The following CASK variants were observed in gnomAD, a reference collection of about 807,000 sequenced individuals.
CASK encodes peripheral plasma membrane protein CASK.
Under a neutral mutation model 82.9 loss-of-function variants are expected in CASK, and 4 were observed. The ratio of observed to expected loss-of-function variants is 0.05; its 90% confidence interval spans 0.02 to 0.11. The LOEUF (loss-of-function observed/expected upper bound fraction) is 0.11, where lower values mean the gene tolerates loss of function less well. CASK is among the 10% of genes least tolerant of loss of function. The pLI is 1.00. For synonymous variants in CASK, 259 were observed against 253.5 expected, an observed-to-expected ratio of 1.02 and a Z score of -0.20; for missense variants, 358 against 720.9, an observed-to-expected ratio of 0.50 and a Z score of 5.76.
chrX:41,753,513 G>A (rs1421943932), intron 3 of CASK, among the ~76,000 whole-genome samples: 1 of 112,203 alleles, frequency 8.9e-6, no homozygotes, highest in Non-Finnish European at 1.9e-5. Context: ...AATGAAGGTA[G>A]AAGGAAATAA....
chrX:41,552,524 T>C (rs890751311), intron 21 of CASK: 2 of 111,604 alleles, frequency 1.8e-5, no homozygotes, highest in African/African-American at 6.5e-5. Flanking sequence ...TATGGTAACA[T>C]TAAAGAAGAC....
intron 8 of CASK, among the ~76,000 whole-genome samples, chrX:41,659,230 CTT>C (rs750380862): frequency 4.0e-5 from 4 of 100,087 alleles, no homozygotes; most frequent in Admixed American, 1.1e-4. Flanking sequence ...GGTGCAAATT[CTT>C]TTTTTTTTTT....
intron 16 of CASK, among the ~76,000 whole-genome samples, chrX:41,566,801 C>G (rs952129037): frequency 5.4e-5 from 6 of 111,476 alleles, no homozygotes; most frequent in Non-Finnish European, 9.4e-5. Flanking sequence ...GCAAAAAGAA[C>G]AAAGCTGGAG....
At chrX:41,564,521 G>A (rs1306436377) in intron 16 of CASK, among the ~76,000 whole-genome samples, 1 of 111,382 alleles carries the variant, frequency 9.0e-6, no homozygotes, top group Non-Finnish European at 1.9e-5. Flanking sequence ...CACCATGCCC[G>A]GCTAACTTTA....
At chrX:41,824,354 G>C (rs2070612505) in intron 2 of CASK, among the ~76,000 whole-genome samples, 1 of 111,908 alleles carries the variant, frequency 8.9e-6, no homozygotes, top group African/African-American at 3.2e-5. Flanking sequence ...ACACTTCATT[G>C]CCTGCTCTGC....
chrX:41,847,342 T>A (rs1044881384), intron 2 of CASK, among the ~76,000 whole-genome samples: 4 of 111,925 alleles, frequency 3.6e-5, no homozygotes, highest in African/African-American at 1.3e-4. Context: ...ATAATGAACC[T>A]ATCTTCATGT....
At chrX:41,636,543 T>C (rs751086363) in intron 9 of CASK, 35 bp downstream of exon 9, 1 of 828,259 alleles carries the variant, frequency 1.2e-6, no homozygotes, top group Non-Finnish European at 1.8e-6. Flanking sequence ...ATTAACTATA[T>C]CTGTTTGGCT....
intron 21 of CASK, among the ~76,000 whole-genome samples, chrX:41,547,845 G>A (rs1038779216): frequency 1.8e-5 from 2 of 110,954 alleles, no homozygotes; most frequent in Non-Finnish European, 3.8e-5. Flanking sequence ...GGATGGTCTC[G>A]ATCTCCTGAC....
chrX:41,761,402 T>C (rs890672770), intron 3 of CASK, among the ~76,000 whole-genome samples: 2 of 111,518 alleles, frequency 1.8e-5, no homozygotes, highest in African/African-American at 6.5e-5. Context: ...ATCTGGAAAA[T>C]GATCTCACCT....
At chrX:41,776,265 T>C (rs374796360) in intron 3 of CASK, among the ~76,000 whole-genome samples, 3 of 112,180 alleles carry the variant, frequency 2.7e-5, no homozygotes, top group Non-Finnish European at 3.8e-5. Context: ...CACTAGTCGA[T>C]AGGAATTTTT....
At chrX:41,792,964 GTGA>G (rs2069765706) in intron 2 of CASK, among the ~76,000 whole-genome samples, 1 of 111,426 alleles carries the variant, frequency 9.0e-6, no homozygotes, top group Admixed American at 9.6e-5. Flanking sequence ...TCTCCTGATT[GTGA>G]GTTCTGTAAT....
rs1192377020 is a variant in CASK, at chrX:41,551,879, C to CAAA, written c.2039+1837_2039+1839dup. On this transcript the variant is annotated intron_variant, in intron 21 of 26. Coordinates refer to ENST00000378163, the MANE Select transcript of CASK (RefSeq NM_001367721.1). The stretch of plus-strand genomic sequence containing the variant: ...TGGGCCACAGGGCGAGACTCCGTCT[C>CAAA]AAAAAAAAAAAAAAAAAAAAAAAAA... Among the ~76,000 whole-genome samples the CAAA allele has an allele frequency of 3.3e-3, 77 of 23,320 alleles. 3 individuals carry two copies. Among genetic ancestry groups the CAAA allele is most frequent in the African/African-American group, 0.012 (72 of 5,996 alleles). 20.3% of individuals were successfully genotyped at this position (23,320 alleles called of 115,157 possible). A position where few individuals can be genotyped will look rare whatever the true frequency, so the allele number is the denominator to read the frequency against.
intron 10 of CASK, among the ~76,000 whole-genome samples, chrX:41,625,652 G>A (rs2066356626): frequency 9.0e-6 from 1 of 111,270 alleles, no homozygotes; most frequent in Admixed American, 9.5e-5. Flanking sequence ...GCACACCACT[G>A]CACTGGCTTA....
intron 8 of CASK, among the ~76,000 whole-genome samples, chrX:41,647,965 G>A (rs1217345304): frequency 8.9e-6 from 1 of 111,799 alleles, no homozygotes; most frequent in Non-Finnish European, 1.9e-5. Flanking sequence ...TAGGCACCTT[G>A]AAAAAAGAAC....
chrX:41,589,266 G>A (rs1392614903), intron 13 of CASK, among the ~76,000 whole-genome samples: 1 of 112,200 alleles, frequency 8.9e-6, no homozygotes, highest in East Asian at 2.8e-4. Context: ...CAGAAAAAGA[G>A]AAGTAAAATT....
At position 41,811,343 on chromosome X, in the gene CASK, C is replaced by A. The variant is rs764527521; in HGVS notation, c.173-24060G>T. On this transcript the variant is annotated intron_variant, in intron 2 of 26. Transcript: ENST00000378163. ...CCACATAGTTGGAAGGGGAAGTAAA[C>A]CACTTCTCAGCAAATGTAAAAGAAC... 4.6e-5 allele frequency among the ~76,000 whole-genome samples: 5 copies of A among 108,935 alleles called. No individual in the cohort carries two copies. In the Admixed American group the frequency reaches 4.9e-4, roughly 11 times the overall value. 94.6% of individuals were successfully genotyped at this position (108,935 alleles called of 115,157 possible).
At chrX:41,902,502 C>T (rs2072401483) in intron 1 of CASK, among the ~76,000 whole-genome samples, 4 of 111,839 alleles carry the variant, frequency 3.6e-5, no homozygotes. Flanking sequence ...TGTGATTAAA[C>T]TGGGTCCATC....
At chrX:41,619,716 T>C (rs1266808642) in intron 11 of CASK, among the ~76,000 whole-genome samples, 1 of 112,108 alleles carries the variant, frequency 8.9e-6, no homozygotes, top group Non-Finnish European at 1.9e-5. Context: ...AACAGTCAAA[T>C]GTTTAGACTA....
chrX:41,555,921 C>A, intron 19 of CASK: 1 of 134,362 alleles, frequency 7.4e-6, no homozygotes. Flanking sequence ...AGTGAAACAG[C>A]CTATTAAAAA....
Sources: gnomAD v4.1 joint callset for allele counts (sites outside exome capture counted in the v4.1 genomes callset) on GRCh38, gnomAD v4.1.1 for gene constraint, MANE v1.5 for transcripts, NCBI Gene and HGNC (gene_info 2026-07-23, HGNC 2026-07-21) for gene names.